The following CCDC7 variants were observed in gnomAD, a reference collection of about 807,000 sequenced individuals.
CCDC7 encodes the protein coiled-coil domain-containing protein 7.
Under a neutral mutation model 196.9 loss-of-function variants are expected in CCDC7, and 183 were observed. The observed-to-expected ratio is 0.93, with a 90% CI of 0.82 to 1.05. The LOEUF (loss-of-function observed/expected upper bound fraction) is 1.05, where lower values mean the gene tolerates loss of function less well. Ranked by LOEUF, CCDC7 falls within the 50% of genes least tolerant of loss-of-function variation. The pLI, the probability that CCDC7 is intolerant of heterozygous loss-of-function variation, is 0.00. For synonymous variants in CCDC7, 525 were observed against 484.6 expected, an observed-to-expected ratio of 1.08 and a Z score of -1.10; for missense variants, 1,540 against 1,482.2, an observed-to-expected ratio of 1.04 and a Z score of -0.64.
intron 13 of CCDC7, among the ~76,000 whole-genome samples, chr10:32,545,783 G>A (rs868673823): frequency 2.0e-5 from 3 of 151,816 alleles, no homozygotes; most frequent in Non-Finnish European, 2.9e-5. Flanking sequence ...GCACGTGCCT[G>A]CAGTCCCAGC....
rs35410367 is a variant in CCDC7, at chr10:32,453,379, C to T, written c.315C>T (p.Cys105=). 9.6e-4 allele frequency: 1,480 copies of T among 1,540,594 alleles called. 11 individuals are homozygous for T. The African/African-American group carries it at 0.017, about 18-fold the overall frequency. ...CTTTGGAAGAAACCTATGGACATTG[C>T]GATCAGAATGGAGAAGAACCATTTG... is the stretch of plus-strand genomic sequence containing the variant. The change falls in exon 2 of 42, where the codon TGC becomes TGT. Residue 105 remains cysteine (C), a synonymous_variant. Coordinates refer to ENST00000639629, the Ensembl canonical transcript of CCDC7.
At chr10:32,809,420 A>G (rs2086580465) in intron 30 of CCDC7, among the ~76,000 whole-genome samples, 2 of 152,160 alleles carry the variant, frequency 1.3e-5, no homozygotes, top group African/African-American at 2.4e-5. Flanking sequence ...CCATAATTCA[A>G]TTCAATTAAT....
chr10:32,479,486 T>C (rs969158550), intron 8 of CCDC7, among the ~76,000 whole-genome samples: 3 of 152,198 alleles, frequency 2.0e-5, no homozygotes, highest in Non-Finnish European at 4.4e-5. Context: ...TTTTGTATTT[T>C]ATTCTAGTAA....
chr10:32,664,416 A>T (rs368244013), intron 21 of CCDC7, among the ~76,000 whole-genome samples: 1 of 152,072 alleles, frequency 6.6e-6, no homozygotes, highest in Admixed American at 6.6e-5. Context: ...TATTATTAAC[A>T]GTACTCATGA....
chr10:32,588,773 C>G (rs1196096213), intron 18 of CCDC7, among the ~76,000 whole-genome samples: 1 of 151,956 alleles, frequency 6.6e-6, no homozygotes, highest in Admixed American at 6.5e-5. Context: ...CCATCTGGTC[C>G]TAGACATTTC....
intron 24 of CCDC7, among the ~76,000 whole-genome samples, chr10:32,702,607 G>A (rs2078949755): frequency 6.6e-6 from 1 of 152,136 alleles, no homozygotes. Context: ...TCTGTCTAAT[G>A]TTGACAGTGG....
chr10:32,641,041 T>C (rs1304060776), intron 20 of CCDC7, among the ~76,000 whole-genome samples: 1 of 152,164 alleles, frequency 6.6e-6, no homozygotes, highest in Non-Finnish European at 1.5e-5. Context: ...CTGATGGTCT[T>C]CCCTTTGTGG....
chr10:32,797,449 T>A (rs1294308130), intron 29 of CCDC7, among the ~76,000 whole-genome samples: 1 of 151,946 alleles, frequency 6.6e-6, no homozygotes, highest in East Asian at 1.9e-4. Flanking sequence ...CACTCATAAG[T>A]GGGAGCTAAG....
chr10:32,855,403 T>C (rs747012947), intron 41 of CCDC7, among the ~76,000 whole-genome samples: 2 of 152,212 alleles, frequency 1.3e-5, no homozygotes, highest in Non-Finnish European at 2.9e-5. Context: ...GAAATAATTA[T>C]ACAATTCACC....
chr10:32,563,385 C>T (rs931543421), intron 13 of CCDC7, among the ~76,000 whole-genome samples: 23 of 152,204 alleles, frequency 1.5e-4, no homozygotes, highest in African/African-American at 4.3e-4. Context: ...CATCATGCTA[C>T]GTGACTTCCA....
At chr10:32,754,816 G>C (rs1208386822) in intron 28 of CCDC7, among the ~76,000 whole-genome samples, 3 of 152,120 alleles carry the variant, frequency 2.0e-5, no homozygotes, top group Non-Finnish European at 2.9e-5. Context: ...AAGCAGGGCG[G>C]GGCACTGCCT....
At chr10:32,511,067 TAA>T (rs201188099) in intron 9 of CCDC7, among the ~76,000 whole-genome samples, 6,828 of 151,826 alleles carry the variant, frequency 0.045, 506 homozygotes, top group African/African-American at 0.16. Flanking sequence ...TATAAAGAAA[TAA>T]GAGTCTCATC....
chr10:32,830,012 G>T (rs2091927027), intron 32 of CCDC7, among the ~76,000 whole-genome samples: 1 of 149,828 alleles, frequency 6.7e-6, no homozygotes, highest in East Asian at 2.0e-4. Flanking sequence ...GACTTGACTG[G>T]CTCTCCTTGT....
intron 8 of CCDC7, among the ~76,000 whole-genome samples, chr10:32,482,605 G>A (rs958587020): frequency 3.7e-4 from 57 of 152,140 alleles, no homozygotes; most frequent in Non-Finnish European, 5.7e-4. Flanking sequence ...CCAGTGACTC[G>A]TCATTTAACA....
chr10:32,630,751 T>C (rs2064749383), intron 18 of CCDC7, among the ~76,000 whole-genome samples: 1 of 152,206 alleles, frequency 6.6e-6, no homozygotes, highest in Admixed American at 6.5e-5. Flanking sequence ...CTGTATAATA[T>C]TCATTACTGG....
chr10:32,761,624 C>G (rs11598096), intron 28 of CCDC7, among the ~76,000 whole-genome samples: 21,751 of 151,944 alleles, frequency 0.14, 1,895 homozygotes, highest in African/African-American at 0.25. Context: ...TCTGCTATAG[C>G]TACAAATTGC....
chr10:32,734,170 A>C (rs2084458571), intron 28 of CCDC7, among the ~76,000 whole-genome samples: 1 of 152,222 alleles, frequency 6.6e-6, no homozygotes, highest in South Asian at 2.1e-4. Flanking sequence ...AAAGATACGG[A>C]ATCAGCCTAA....
chr10:32,562,648 C>G (rs536467138), intron 13 of CCDC7, among the ~76,000 whole-genome samples: 1 of 152,084 alleles, frequency 6.6e-6, no homozygotes, highest in African/African-American at 2.4e-5. Context: ...TGGGACGTAT[C>G]TCAAAATAAT....
At chr10:32,711,396 A>G (rs1278442609) in intron 24 of CCDC7, among the ~76,000 whole-genome samples, 6 of 152,152 alleles carry the variant, frequency 3.9e-5, no homozygotes, top group Non-Finnish European at 8.8e-5. Context: ...GACTAATATA[A>G]AACACATTTA....
Sources: gnomAD v4.1 joint callset for allele counts (sites outside exome capture counted in the v4.1 genomes callset) on GRCh38, gnomAD v4.1.1 for gene constraint, MANE v1.5 for transcripts, NCBI Gene and HGNC (gene_info 2026-07-23, HGNC 2026-07-21) for gene names.